SLC9C1: variants seen among roughly 807,000 people sequenced by gnomAD.
SLC9C1 encodes sodium/hydrogen exchanger 10.
In SLC9C1, 97 loss-of-function variants were observed where a neutral mutation model predicts 140.9. The ratio of observed to expected loss-of-function variants is 0.69; its 90% CI spans 0.58 to 0.82. The LOEUF (loss-of-function observed/expected upper bound fraction) is 0.82. Among genes scored for constraint, SLC9C1 ranks in the 40% least tolerant of loss-of-function variants. The pLI is 0.00. For synonymous variants in SLC9C1, 440 were observed against 442.6 expected (o/e 0.99, Z 0.07); for missense variants, 1,340 against 1,389.3 (o/e 0.96, Z 0.56).
intron 12 of SLC9C1, among the ~76,000 whole-genome samples, chr3:112,233,345 GCAT>G (rs2078886302): frequency 6.6e-6 from 1 of 152,036 alleles, no homozygotes; most frequent in Admixed American, 6.6e-5. Flanking sequence ...AAGATTACAG[GCAT>G]GAGCCACTGT....
chr3:112,161,395 T>C lies in SLC9C1; in HGVS notation c.3364+5826A>G, dbSNP rs534988694. Among the ~76,000 whole-genome samples, 40 of 152,356 alleles carry C rather than the reference T, an allele frequency of 2.6e-4. No individual in the cohort carries two copies. In the East Asian group the frequency reaches 7.5e-3, roughly 29 times the overall value. On this transcript the variant is annotated intron_variant, in intron 26 of 28. Transcript: ENST00000305815. ...CCTAGGTTTTCTTCTAGGGTTTTTATGGTTTTAGGTCTAACGTTTAAGTCT... is the reference window on the plus strand; with the variant it reads ...CCTAGGTTTTCTTCTAGGGTTTTTACGGTTTTAGGTCTAACGTTTAAGTCT...
chr3:112,150,953 T>G (rs1459886264), intron 28 of SLC9C1, among the ~76,000 whole-genome samples: 1 of 150,950 alleles, frequency 6.6e-6, no homozygotes, highest in Non-Finnish European at 1.5e-5. Context: ...TTCTCCTGCC[T>G]CAGCCCCCTG....
chr3:112,146,707 T>C (rs943740042), intron 28 of SLC9C1, among the ~76,000 whole-genome samples: 3 of 152,218 alleles, frequency 2.0e-5, no homozygotes, highest in African/African-American at 7.2e-5. Flanking sequence ...TTGAATTGAT[T>C]GAGACTTGCT....
chr3:112,167,214 A>C lies in SLC9C1; in HGVS notation c.3364+7T>G. On this transcript the variant is annotated splice_region_variant and intron_variant, in intron 26 of 28. Coordinates refer to ENST00000305815, the MANE Select transcript of SLC9C1 (RefSeq NM_183061.3). The stretch of plus-strand genomic sequence containing the variant: ...TTTTCACAATTGCTGAAAGAAGTCT[A>C]ACTCACCTATTAATCCTGGTGTAAG... The C allele has an allele frequency of 6.2e-7, 1 of 1,605,518 alleles. No homozygotes were observed. The highest frequency in any genetic ancestry group is 8.5e-7 in the Non-Finnish European group (1 of 1,176,696).
At chr3:112,197,441 T>A (rs900692502) in intron 20 of SLC9C1, among the ~76,000 whole-genome samples, 10 of 152,072 alleles carry the variant, frequency 6.6e-5, no homozygotes, top group African/African-American at 2.4e-4. Context: ...GAGAACAGGG[T>A]CTTTTATTGC....
At position 112,254,220 on chromosome 3, in the gene SLC9C1, A is replaced by G. The variant is rs567342705; in HGVS notation, c.1197+8704T>C. On this transcript the variant is annotated intron_variant, in intron 10 of 28. Coordinates refer to ENST00000305815, the MANE Select transcript of SLC9C1 (RefSeq NM_183061.3). ...ACTTGCTAGAGAGGCCAACAGTCAA[A>G]TTCAGGAAATACAGAGAACCCTTGC... is the stretch of plus-strand genomic sequence containing the variant. 3.3e-5 allele frequency among the ~76,000 whole-genome samples: 5 copies of G among 152,322 alleles called. No homozygotes were observed. In the South Asian group the frequency reaches 1.0e-3, roughly 32 times the overall value.
At chr3:112,248,513 T>C (rs1292945843) in intron 10 of SLC9C1, among the ~76,000 whole-genome samples, 1 of 152,208 alleles carries the variant, frequency 6.6e-6, no homozygotes, top group Non-Finnish European at 1.5e-5. Context: ...TATTATGTTC[T>C]TTATTTCATT....
At chr3:112,161,102 CTTT>C (rs1264387114) in intron 26 of SLC9C1, among the ~76,000 whole-genome samples, 2 of 152,144 alleles carry the variant, frequency 1.3e-5, no homozygotes, top group Non-Finnish European at 2.9e-5. Context: ...CCTTCACCCA[CTTT>C]TTGATGGGGT....
In SLC9C1 at chr3:112,264,325, T is replaced by C; in HGVS notation, c.897A>G (p.Ser299=). ...TAAACACCATGAGAAAAGCAATACGTGATAGAAAAGTCCAGAATCTGCATC... is the reference window on the plus strand; with the variant it reads ...TAAACACCATGAGAAAAGCAATACGCGATAGAAAAGTCCAGAATCTGCATC... ...TLLLEFWTFL[S]RIAFLMVFTF... is the part of the protein sequence containing the mutation. Residue 299 remains serine, a synonymous_variant, in exon 9 of 29, where the codon TCA becomes TCG. Transcript: ENST00000305815. The C allele has an allele frequency of 6.8e-7, 1 of 1,462,204 alleles. No homozygotes were observed. The allele number at this position is 1,462,204 out of a possible 1,614,324, so 90.6% of individuals were successfully genotyped here.
chr3:112,196,753 T>C (rs559954238), intron 20 of SLC9C1, among the ~76,000 whole-genome samples: 1 of 152,276 alleles, frequency 6.6e-6, no homozygotes, highest in South Asian at 2.1e-4. Flanking sequence ...ATTTTCTGTG[T>C]CTTTATGGAT....
At chr3:112,148,989 G>A (rs1168238390) in intron 28 of SLC9C1, among the ~76,000 whole-genome samples, 2 of 152,104 alleles carry the variant, frequency 1.3e-5, no homozygotes, top group Non-Finnish European at 2.9e-5. Context: ...TCAGATGCCT[G>A]AGATCTGCTT....
At chr3:112,150,841 T>TATATATATATATA (rs1491261631) in intron 28 of SLC9C1, among the ~76,000 whole-genome samples, 10 of 34,554 alleles carry the variant, frequency 2.9e-4, no homozygotes, top group African/African-American at 1.8e-3. Context: ...TATATATATA[T>TATATATATATATA]TTTTTTTTTT....
At chr3:112,176,404 G>A (rs1270142733) in intron 23 of SLC9C1, among the ~76,000 whole-genome samples, 1 of 152,164 alleles carries the variant, frequency 6.6e-6, no homozygotes, top group Non-Finnish European at 1.5e-5. Context: ...ATCCCTCTCT[G>A]TGAGAGCGGC....
At chr3:112,212,612 G>A (rs1200890082) in intron 15 of SLC9C1, among the ~76,000 whole-genome samples, 1 of 152,172 alleles carries the variant, frequency 6.6e-6, no homozygotes, top group Non-Finnish European at 1.5e-5. Flanking sequence ...ATCAGTGATT[G>A]AAGATCAAAT....
chr3:112,144,363 G>A (rs978584973), intron 28 of SLC9C1, among the ~76,000 whole-genome samples: 4 of 151,764 alleles, frequency 2.6e-5, no homozygotes, highest in Non-Finnish European at 5.9e-5. Context: ...ATTTTTAGTA[G>A]AGACGGGGTT....
Position 112,167,223 on chromosome 3 carries a change from A to G in SLC9C1, c.3362T>C (p.Ile1121Thr), listed in dbSNP as rs755164607. The G allele has an allele frequency of 4.5e-5, 72 of 1,606,996 alleles. No homozygotes were observed. Among genetic ancestry groups the G allele is most frequent in the Admixed American group, 3.6e-4 (21 of 58,584 alleles). The stretch of plus-strand genomic sequence containing the variant: ...TTGCTGAAAGAAGTCTAACTCACCT[A>G]TTAATCCTGGTGTAAGATAACTTTT... ...KHKSYLTPGLIGSVGTLEEGI... is the reference protein window; with the variant it reads ...KHKSYLTPGLTGSVGTLEEGI... The change falls in exon 26 of 29, where the codon ATA becomes ACA. Residue 1121 changes from isoleucine (I) to threonine (T), a missense_variant and splice_region_variant. Transcript: ENST00000305815.
intron 7 of SLC9C1, among the ~76,000 whole-genome samples, chr3:112,267,820 A>T (rs1309869755): frequency 2.0e-5 from 3 of 152,136 alleles, no homozygotes; most frequent in Non-Finnish European, 4.4e-5. Flanking sequence ...AGAAGAAATC[A>T]TGGACATAGG....
At chr3:112,285,589 A>G (rs2080485884) in intron 2 of SLC9C1, among the ~76,000 whole-genome samples, 1 of 152,028 alleles carries the variant, frequency 6.6e-6, no homozygotes, top group South Asian at 2.1e-4. Context: ...ACAATCATAA[A>G]TTTTTGCATA....
At chr3:112,280,976 CTCCTA>C (rs1302770593) in intron 2 of SLC9C1, among the ~76,000 whole-genome samples, 193 bp from the exon 3 acceptor site, 1 of 152,164 alleles carries the variant, frequency 6.6e-6, no homozygotes, top group Non-Finnish European at 1.5e-5. Flanking sequence ...TGTTTTACCT[CTCCTA>C]TGATGTATCT....
Sources: allele counts gnomAD v4.1 joint callset (sites outside exome capture counted in the v4.1 genomes callset), GRCh38; gene constraint gnomAD v4.1.1; transcripts MANE v1.5; gene names NCBI Gene and HGNC (gene_info 2026-07-23, HGNC 2026-07-21).